Variants in FAM178B observed in about 807,000 individuals in gnomAD.
The protein encoded by FAM178B is protein FAM178B.
Under a neutral mutation model 91.7 loss-of-function variants are expected in FAM178B, and 82 were observed. The ratio of observed to expected loss-of-function variants is 0.89; its 90% CI spans 0.75 to 1.07. The LOEUF (loss-of-function observed/expected upper bound fraction) is 1.07. Among genes scored for constraint, FAM178B ranks in the 50% least tolerant of loss-of-function variants. The pLI is 0.00. For missense variants in FAM178B, 769 were observed against 846.7 expected, an observed-to-expected ratio of 0.91 and a Z score of 1.14; for synonymous variants, 368 against 359.4, an observed-to-expected ratio of 1.02 and a Z score of -0.27.
chr2:96,901,652 C>T (rs7603256), intron 13 of FAM178B, among the ~76,000 whole-genome samples: 44,864 of 151,900 alleles, frequency 0.3, 11,647 homozygotes, highest in African/African-American at 0.71. Context: ...GCTGTGGGCA[C>T]TGTTGGGGGG....
intron 14 of FAM178B, among the ~76,000 whole-genome samples, chr2:96,882,068 G>C (rs1159523789): frequency 6.6e-6 from 1 of 152,116 alleles, no homozygotes; most frequent in Non-Finnish European, 1.5e-5. Flanking sequence ...TTCATTATTG[G>C]CATAGGAAAC....
At chr2:96,884,600 G>A (rs1236383993) in intron 14 of FAM178B, among the ~76,000 whole-genome samples, 1 of 152,224 alleles carries the variant, frequency 6.6e-6, no homozygotes, top group Non-Finnish European at 1.5e-5. Context: ...GGTGACTGGT[G>A]TGTCCACAGG....
chr2:96,894,106 G>A (rs972863943), intron 13 of FAM178B, 55 bp from the exon 14 acceptor site: 1 of 1,551,564 alleles, frequency 6.4e-7, no homozygotes, highest in African/African-American at 1.4e-5. Flanking sequence ...AAGAGCTCAG[G>A]GTGCTCCCGG....
intron 1 of FAM178B, among the ~76,000 whole-genome samples, chr2:96,972,876 G>A (rs185715955): frequency 1.4e-4 from 21 of 151,874 alleles, no homozygotes; most frequent in Non-Finnish European, 2.8e-4. Flanking sequence ...GGAGTGCAGC[G>A]GCGTGATCTT....
At chr2:96,944,705 A>G (rs1258705325) in intron 8 of FAM178B, among the ~76,000 whole-genome samples, 1 of 152,208 alleles carries the variant, frequency 6.6e-6, no homozygotes. Flanking sequence ...TGTTATCAAT[A>G]GTCAAAATAC....
chr2:96,934,768 C>A (rs1394131040), intron 8 of FAM178B, among the ~76,000 whole-genome samples: 2 of 152,156 alleles, frequency 1.3e-5, no homozygotes, highest in African/African-American at 2.4e-5. Context: ...TCTTTTGGAA[C>A]CTTCTTTTTG....
At chr2:96,935,423 G>A (rs756970880) in intron 8 of FAM178B, among the ~76,000 whole-genome samples, 2 of 152,010 alleles carry the variant, frequency 1.3e-5, no homozygotes, top group East Asian at 1.9e-4. Context: ...CCAGGCAATC[G>A]CCTTCTCACT....
intron 14 of FAM178B, among the ~76,000 whole-genome samples, chr2:96,886,107 G>T (rs1219224239): frequency 2.6e-5 from 4 of 152,156 alleles, no homozygotes; most frequent in African/African-American, 7.2e-5. Context: ...AGAGCACAAG[G>T]CCACTGCCCG....
intron 6 of FAM178B, among the ~76,000 whole-genome samples, chr2:96,957,550 G>C (rs2082016582): frequency 6.6e-6 from 1 of 152,206 alleles, no homozygotes; most frequent in Non-Finnish European, 1.5e-5. Flanking sequence ...TGGCAGGCCT[G>C]CTCTGATCCC....
At chr2:96,937,631 T>C (rs1221818941) in intron 8 of FAM178B, among the ~76,000 whole-genome samples, 1 of 152,200 alleles carries the variant, frequency 6.6e-6, no homozygotes, top group East Asian at 1.9e-4. Flanking sequence ...ACAGACGTCA[T>C]ACTTTTTAAC....
intron 12 of FAM178B, among the ~76,000 whole-genome samples, chr2:96,910,624 G>T (rs894642827): frequency 6.9e-6 from 1 of 144,088 alleles, no homozygotes; most frequent in African/African-American, 2.9e-5. Flanking sequence ...CCGTTTGTCC[G>T]GCTACCTTAC....
chr2:96,982,505 CA>C (rs1286036996), intron 1 of FAM178B, among the ~76,000 whole-genome samples: 1 of 152,066 alleles, frequency 6.6e-6, no homozygotes, highest in African/African-American at 2.4e-5. Context: ...TCAAGCAATC[CA>C]CCCGCCTCAG....
intron 1 of FAM178B, among the ~76,000 whole-genome samples, chr2:96,980,025 TA>T (rs1310548696): frequency 1.3e-5 from 2 of 152,130 alleles, no homozygotes; most frequent in African/African-American, 4.8e-5. Context: ...GCTGGTATCT[TA>T]AATGTTTGCC....
chr2:96,960,885 G>C, intron 5 of FAM178B, among the ~76,000 whole-genome samples: 1 of 152,102 alleles, frequency 6.6e-6, no homozygotes, highest in African/African-American at 2.4e-5. Flanking sequence ...GGCCAGTGTC[G>C]GGGACGGCAT....
chr2:96,883,376 A>G (rs1447053445), intron 14 of FAM178B, among the ~76,000 whole-genome samples: 2 of 152,194 alleles, frequency 1.3e-5, no homozygotes, highest in African/African-American at 4.8e-5. Flanking sequence ...TTTACGCTGA[A>G]GGGGGGCAGG....
rs550366268 is a variant in FAM178B, at chr2:96,889,581, G to C, written c.1776+4345C>G. ...TAATCTCAGCTACTTGGAAGGCTGAGGCAGGAGAATCGCTTGAACCTGGGA... is the reference window on the plus strand; with the variant it reads ...TAATCTCAGCTACTTGGAAGGCTGACGCAGGAGAATCGCTTGAACCTGGGA... On this transcript the variant is annotated intron_variant, in intron 14 of 16. Coordinates refer to ENST00000490605, the MANE Select transcript of FAM178B (RefSeq NM_001122646.3). Among the ~76,000 whole-genome samples, 22 of 152,006 alleles carry C rather than the reference G, an allele frequency of 1.4e-4. No homozygotes were observed. The South Asian group carries it at 4.4e-3, about 30-fold the overall frequency.
chr2:96,938,229 C>T (rs976383235), intron 8 of FAM178B, among the ~76,000 whole-genome samples: 8 of 152,178 alleles, frequency 5.3e-5, no homozygotes, highest in African/African-American at 1.7e-4. Flanking sequence ...CCCAGCTCCA[C>T]ATAAAAATCA....
chr2:96,938,277 C>T (rs1481658699), intron 8 of FAM178B, among the ~76,000 whole-genome samples: 1 of 152,144 alleles, frequency 6.6e-6, no homozygotes, highest in Non-Finnish European at 1.5e-5. Flanking sequence ...CAGGTACTGT[C>T]CTAAGGGAAC....
At chr2:96,901,654 G>T (rs2080935106) in intron 13 of FAM178B, among the ~76,000 whole-genome samples, 1 of 152,154 alleles carries the variant, frequency 6.6e-6, no homozygotes, top group Admixed American at 6.6e-5. Flanking sequence ...TGTGGGCACT[G>T]TTGGGGGGTT....
Sources: gnomAD v4.1 joint callset for allele counts (sites outside exome capture counted in the v4.1 genomes callset) on GRCh38, gnomAD v4.1.1 for gene constraint, MANE v1.5 for transcripts, NCBI Gene and HGNC (gene_info 2026-07-23, HGNC 2026-07-21) for gene names.